Variants in LHFPL3 observed in about 807,000 individuals in gnomAD.
LHFPL3 encodes the protein LHFPL tetraspan subfamily member 3 protein.
In LHFPL3, 5 loss-of-function variants were observed where a neutral mutation model predicts 19.3. The ratio of observed to expected loss-of-function variants is 0.26; its 90% confidence interval spans 0.14 to 0.54. LHFPL3 has a LOEUF of 0.54. LHFPL3 is among the 20% of genes least tolerant of loss of function. The pLI is 0.94. For synonymous variants in LHFPL3, 133 were observed against 126.2 expected (o/e 1.05, Z -0.36); for missense variants, 249 against 307.4 (o/e 0.81, Z 1.42).
At chr7:104,684,100 C>T (rs1584479137) in intron 1 of LHFPL3, among the ~76,000 whole-genome samples, 1 of 152,078 alleles carries the variant, frequency 6.6e-6, no homozygotes, top group African/African-American at 2.4e-5. Flanking sequence ...TTAAGTTTTG[C>T]TTTCCATCAA....
chr7:104,520,712 T>C (rs182258072), intron 1 of LHFPL3, among the ~76,000 whole-genome samples: 111 of 137,358 alleles, frequency 8.1e-4, no homozygotes, highest in African/African-American at 2.7e-3. Context: ...CTATTTCTTC[T>C]AGATTTTCTA....
intron 1 of LHFPL3, among the ~76,000 whole-genome samples, chr7:104,359,753 G>A (rs1463234735): frequency 2.0e-5 from 3 of 152,242 alleles, no homozygotes; most frequent in Non-Finnish European, 2.9e-5. Flanking sequence ...TAACACCTGG[G>A]CCCTGGATTT....
intron 1 of LHFPL3, among the ~76,000 whole-genome samples, chr7:104,498,546 G>C (rs1422163174): frequency 7.5e-6 from 1 of 132,752 alleles, no homozygotes; most frequent in Non-Finnish European, 1.6e-5. Context: ...GCCCAGGTTT[G>C]AGTGCAGGGT....
intron 1 of LHFPL3, among the ~76,000 whole-genome samples, chr7:104,371,076 C>G (rs1562877486): frequency 6.6e-6 from 1 of 152,142 alleles, no homozygotes; most frequent in Non-Finnish European, 1.5e-5. Flanking sequence ...CAAAGCCCTT[C>G]CTGTTTTGAA....
rs188565664 is a variant in LHFPL3, at chr7:104,635,270, T to A, written c.446-101405T>A. 1.7e-3 allele frequency among the ~76,000 whole-genome samples: 257 copies of A among 152,208 alleles called. 2 individuals are homozygous for A. Among genetic ancestry groups the A allele is most frequent in the African/African-American group, 3.5e-3 (145 of 41,550 alleles). ...AACTTAAAAGACAGAAAGAAATGTTTAAATAAATGAAAGATAACTTTCTAT... is the reference window on the plus strand; with the variant it reads ...AACTTAAAAGACAGAAAGAAATGTTAAAATAAATGAAAGATAACTTTCTAT... On this transcript the variant is annotated intron_variant, in intron 1 of 2. Coordinates refer to ENST00000424859, the MANE Select transcript of LHFPL3 (RefSeq NM_199000.3).
intron 2 of LHFPL3, among the ~76,000 whole-genome samples, chr7:104,774,727 A>C (rs1180953872): frequency 6.6e-6 from 1 of 152,204 alleles, no homozygotes; most frequent in Non-Finnish European, 1.5e-5. Context: ...CATTTTATTC[A>C]AGTACTGTAT....
rs150984122 is a variant in LHFPL3 at position 104,551,593 on chromosome 7, A to G, written c.446-185082A>G. On this transcript the variant is annotated intron_variant, in intron 1 of 2. Transcript: ENST00000424859. ...TAATTTATTCACAAATGCCTTCACT[A>G]TATTATTTATTATAGTATTAATAGT... is the stretch of plus-strand genomic sequence containing the variant. 6.7e-3 allele frequency among the ~76,000 whole-genome samples: 1,025 copies of G among 152,102 alleles called. 9 individuals carry two copies. Among genetic ancestry groups the G allele is most frequent in the Middle Eastern group, 0.017 (5 of 294 alleles).
intron 1 of LHFPL3, among the ~76,000 whole-genome samples, chr7:104,485,217 TA>T: frequency 6.6e-6 from 1 of 152,274 alleles, no homozygotes; most frequent in East Asian, 1.9e-4. Flanking sequence ...ACTTTTGCAC[TA>T]AAAGAGATAT....
intron 1 of LHFPL3, among the ~76,000 whole-genome samples, chr7:104,677,365 T>TAAA (rs57490869): frequency 7.0e-6 from 1 of 143,598 alleles, no homozygotes; most frequent in African/African-American, 2.6e-5. Flanking sequence ...CCAGTCTTCT[T>TAAA]AAAAAAAAAA....
At chr7:104,783,765 C>T (rs1789858349) in intron 2 of LHFPL3, among the ~76,000 whole-genome samples, 1 of 152,164 alleles carries the variant, frequency 6.6e-6, no homozygotes, top group Non-Finnish European at 1.5e-5. Flanking sequence ...TCATCATCTT[C>T]CCATTTCTGC....
chr7:104,774,478 A>G (rs1794609869), intron 2 of LHFPL3, among the ~76,000 whole-genome samples: 1 of 152,224 alleles, frequency 6.6e-6, no homozygotes, highest in African/African-American at 2.4e-5. Flanking sequence ...GGCCCCAGGC[A>G]GCCAGTCTCC....
intron 1 of LHFPL3, among the ~76,000 whole-genome samples, chr7:104,476,703 G>C (rs6945068): frequency 0.01 from 1,586 of 152,028 alleles, 27 homozygotes; most frequent in African/African-American, 0.036. Flanking sequence ...CAGGTGATCT[G>C]CCCACCTCAG....
intron 1 of LHFPL3, among the ~76,000 whole-genome samples, chr7:104,611,080 C>G (rs1464436580): frequency 6.6e-6 from 1 of 152,136 alleles, no homozygotes; most frequent in African/African-American, 2.4e-5. Context: ...ATGTTTGAAC[C>G]AGGAAAGGCA....
chr7:104,844,007 G>T (rs759125118), intron 2 of LHFPL3, among the ~76,000 whole-genome samples: 3 of 152,220 alleles, frequency 2.0e-5, no homozygotes, highest in Non-Finnish European at 4.4e-5. Context: ...CAGGGACTCA[G>T]AGCATGGTCA....
At chr7:104,835,414 A>T (rs1291964753) in intron 2 of LHFPL3, among the ~76,000 whole-genome samples, 15 of 151,884 alleles carry the variant, frequency 9.9e-5, no homozygotes, top group Admixed American at 9.8e-4. Context: ...GCACAACAGC[A>T]CCAGCAAGAA....
intron 1 of LHFPL3, among the ~76,000 whole-genome samples, chr7:104,582,992 C>A (rs1239291921): frequency 6.6e-6 from 1 of 151,828 alleles, no homozygotes; most frequent in African/African-American, 2.4e-5. Flanking sequence ...TTTGTTCAAA[C>A]AAAAACACTG....
intron 1 of LHFPL3, among the ~76,000 whole-genome samples, chr7:104,546,923 T>C (rs948818709): frequency 6.6e-6 from 1 of 152,200 alleles, no homozygotes; most frequent in African/African-American, 2.4e-5. Flanking sequence ...CTAGCACAAA[T>C]GTTAACAAGC....
rs923301339 is a variant in LHFPL3 at position 104,668,876 on chromosome 7, C to A, written c.446-67799C>A. ...TGCTAGAGAAAGAGAAGTAGAAGAA[C>A]GGCTACGAAGGAACAAGAGAAGTTG... On this transcript the variant is annotated intron_variant, in intron 1 of 2. Coordinates refer to ENST00000424859, the MANE Select transcript of LHFPL3 (RefSeq NM_199000.3). The A allele has an allele frequency of 1.5e-5, 24 of 1,611,976 alleles. No homozygotes were observed. In the South Asian group the frequency reaches 2.5e-4, roughly 17 times the overall value.
At chr7:104,622,481 A>G (rs1791463459) in intron 1 of LHFPL3, among the ~76,000 whole-genome samples, 1 of 152,198 alleles carries the variant, frequency 6.6e-6, no homozygotes. Flanking sequence ...GACATATTTG[A>G]AGTGTACAAT....
Sources: allele counts gnomAD v4.1 joint callset (sites outside exome capture counted in the v4.1 genomes callset), GRCh38; gene constraint gnomAD v4.1.1; transcripts MANE v1.5; gene names NCBI Gene and HGNC (gene_info 2026-07-23, HGNC 2026-07-21).